The following RERE variants were observed in gnomAD, a reference collection of about 807,000 sequenced individuals.
RERE encodes arginine-glutamic acid dipeptide repeats protein.
RERE carries 40 observed loss-of-function variants against 146.1 expected under a neutral mutation model. The ratio of observed to expected loss-of-function variants is 0.27; its 90% CI spans 0.21 to 0.36. The LOEUF is 0.36. RERE is among the 10% of genes least tolerant of loss of function. The probability of loss-of-function intolerance (pLI) is 1.00; values close to 1 mark genes in which losing one functional copy is unlikely to be tolerated. For synonymous variants in RERE, 1,003 were observed against 866.0 expected, an observed-to-expected ratio of 1.16 and a Z score of -2.78; for missense variants, 1,933 against 2,138.7, an observed-to-expected ratio of 0.90 and a Z score of 1.90.
intron 2 of RERE, among the ~76,000 whole-genome samples, chr1:8,641,921 A>G (rs758910347): frequency 6.6e-6 from 1 of 152,204 alleles, no homozygotes; most frequent in Non-Finnish European, 1.5e-5. Context: ...AGGATTAAAA[A>G]TTAAGTAATC....
intron 8 of RERE, among the ~76,000 whole-genome samples, chr1:8,502,177 C>A (rs1299463422): frequency 3.7e-5 from 2 of 53,702 alleles, no homozygotes; most frequent in African/African-American, 1.8e-4. Context: ...GTCAGCCCCC[C>A]ACCCGGCCAG....
chr1:8,356,336 C>G lies in RERE; in HGVS notation c.4340-90G>C. Reference sequence around the variant, plus strand: ...CTGGAATGACCGATGACTTCCTCCTCACCCAGGATGGCTCCTGGTCACCAG... The same window carrying G: ...CTGGAATGACCGATGACTTCCTCCTGACCCAGGATGGCTCCTGGTCACCAG... On this transcript the variant is annotated intron_variant, in intron 20 of 22. Coordinates refer to ENST00000400908, the MANE Select transcript of RERE (RefSeq NM_001042681.2). The surrounding 1 kb of genome is among the most constrained non-coding windows in gnomAD (Gnocchi z 5.2). The G allele has an allele frequency of 7.4e-7, 1 of 1,350,670 alleles. No homozygotes were observed. The allele number at this position is 1,350,670 out of a possible 1,614,324, so 83.7% of individuals were successfully genotyped here.
chr1:8,624,840 G>A (rs887680382), intron 2 of RERE, among the ~76,000 whole-genome samples: 8 of 152,140 alleles, frequency 5.3e-5, no homozygotes, highest in African/African-American at 1.4e-4. Flanking sequence ...AATGAAATAC[G>A]CAAAGATGAC....
At chr1:8,448,359 C>T (rs1052049884) in intron 11 of RERE, among the ~76,000 whole-genome samples, 1 of 152,052 alleles carries the variant, frequency 6.6e-6, no homozygotes, top group African/African-American at 2.4e-5. Flanking sequence ...CTTTTGTCTT[C>T]TCAGCATAAA....
chr1:8,785,914 G>A (rs887222280), intron 1 of RERE, among the ~76,000 whole-genome samples: 11 of 152,018 alleles, frequency 7.2e-5, no homozygotes, highest in African/African-American at 2.2e-4. Flanking sequence ...GAGCCATCGC[G>A]CTCGGCCTGC....
chr1:8,447,931 G>C (rs1161135627), intron 11 of RERE, among the ~76,000 whole-genome samples: 1 of 152,020 alleles, frequency 6.6e-6, no homozygotes. Flanking sequence ...ATCTGACTTG[G>C]ATTCCTGAGT....
In RERE at chr1:8,557,760, A is replaced by T. The variant is rs565462506; in HGVS notation, c.523-237T>A. On this transcript the variant is annotated intron_variant, in intron 4 of 22. Transcript: ENST00000400908. ...CTCTAAACTGCTTATTTCAGGAAAC[A>T]AAAGGAGACCAGTCTTGAATCTGTT... 8.5e-5 allele frequency among the ~76,000 whole-genome samples: 13 copies of T among 152,320 alleles called. No homozygotes were observed. The East Asian group carries it at 2.5e-3, about 29-fold the overall frequency.
At chr1:8,397,724 C>A (rs1450762686) in intron 12 of RERE, among the ~76,000 whole-genome samples, 1 of 152,192 alleles carries the variant, frequency 6.6e-6, no homozygotes, top group Non-Finnish European at 1.5e-5. Context: ...TACCTCCTCC[C>A]CCATATGCAG....
chr1:8,462,523 T>C (rs1034629337), intron 11 of RERE, among the ~76,000 whole-genome samples: 3 of 152,244 alleles, frequency 2.0e-5, no homozygotes, highest in East Asian at 3.8e-4. Flanking sequence ...AGTTTCTTCA[T>C]AGAGCAGCAG....
intron 12 of RERE, among the ~76,000 whole-genome samples, chr1:8,380,000 CTG>C (rs1345302670): frequency 6.6e-6 from 1 of 152,238 alleles, no homozygotes; most frequent in Non-Finnish European, 1.5e-5. Context: ...CAAATCACCA[CTG>C]TTGTCATGAT....
At chr1:8,717,844 C>T (rs1369964847) in intron 1 of RERE, among the ~76,000 whole-genome samples, 1 of 152,150 alleles carries the variant, frequency 6.6e-6, no homozygotes, top group East Asian at 1.9e-4. Flanking sequence ...GCTGTCTATA[C>T]TGTGTGTATT....
At chr1:8,391,752 G>A (rs1365068718) in intron 12 of RERE, among the ~76,000 whole-genome samples, 1 of 152,050 alleles carries the variant, frequency 6.6e-6, no homozygotes, top group Non-Finnish European at 1.5e-5. Flanking sequence ...TAAAATTCTA[G>A]AGGCCGGGCA....
intron 1 of RERE, among the ~76,000 whole-genome samples, chr1:8,732,808 C>CTTTTTTTTTTTTTT (rs59337140): frequency 1.5e-5 from 1 of 65,730 alleles, no homozygotes; most frequent in African/African-American, 5.5e-5. Context: ...TTCAATTTTT[C>CTTTTTTTTTTTTTT]TTTTTTTTTT....
intron 11 of RERE, among the ~76,000 whole-genome samples, chr1:8,426,203 C>T (rs915409876): frequency 2.6e-5 from 4 of 152,148 alleles, no homozygotes; most frequent in Admixed American, 2.6e-4. Context: ...GCCTGTAATC[C>T]TAGCACTTTG....
chr1:8,523,566 C>T (rs557756961), intron 7 of RERE, among the ~76,000 whole-genome samples: 1 of 152,332 alleles, frequency 6.6e-6, no homozygotes, highest in East Asian at 1.9e-4. Flanking sequence ...CCCTCACCTC[C>T]TCCACCAGAC....
chr1:8,477,181 A>G (rs1644767002), intron 10 of RERE, among the ~76,000 whole-genome samples: 1 of 152,172 alleles, frequency 6.6e-6, no homozygotes, highest in African/African-American at 2.4e-5. Flanking sequence ...CTTTTTTTAT[A>G]AATGCGAGAT....
rs995676713 is a variant in RERE at position 8,798,137 on chromosome 1, G to A, written c.-145+19023C>T. Among the ~76,000 whole-genome samples, 19 of 152,304 alleles carry A rather than the reference G, an allele frequency of 1.2e-4. No homozygotes were observed. The South Asian group carries it at 1.7e-3, about 13-fold the overall frequency. ...AGGCCGGATGCAGTGGCTCACGCCT[G>A]TAATCCTAGCACTTTGGGAGGCCGA... is the stretch of plus-strand genomic sequence containing the variant. On this transcript the variant is annotated intron_variant, in intron 1 of 22. Transcript: ENST00000400908.
At chr1:8,709,114 G>A (rs11121222) in intron 1 of RERE, among the ~76,000 whole-genome samples, 35,528 of 151,124 alleles carry the variant, frequency 0.24, 4,327 homozygotes, top group African/African-American at 0.28. Context: ...TAGAGACGGC[G>A]TTTCACCGTG....
chr1:8,675,495 CAAAAAAAA>C (rs56912804), intron 1 of RERE, among the ~76,000 whole-genome samples: 31 of 90,218 alleles, frequency 3.4e-4, no homozygotes, highest in Admixed American at 2.3e-3. Flanking sequence ...CCCATCTCTA[CAAAAAAAA>C]AAAAAAAAAA....
Sources: gnomAD v4.1 joint callset for allele counts (sites outside exome capture counted in the v4.1 genomes callset) on GRCh38, gnomAD v4.1.1 for gene constraint, Gnocchi (gnomAD v3.1) non-coding constraint, MANE v1.5 for transcripts, NCBI Gene and HGNC (gene_info 2026-07-23, HGNC 2026-07-21) for gene names.